The following NUBPL variants were observed in gnomAD, a reference collection of about 807,000 sequenced individuals.
NUBPL encodes iron-sulfur cluster transfer protein NUBPL.
In NUBPL, 31 loss-of-function variants were observed where a neutral mutation model predicts 45.7. The observed-to-expected ratio is 0.68, with a 90% confidence interval of 0.51 to 0.92. NUBPL has a LOEUF of 0.92. Ranked by LOEUF, NUBPL falls within the 40% of genes least tolerant of loss-of-function variation. The pLI is 0.00. For synonymous variants in NUBPL, 144 were observed against 140.9 expected (o/e 1.02, Z -0.15); for missense variants, 401 against 398.7 (o/e 1.01, Z -0.05).
intron 4 of NUBPL, among the ~76,000 whole-genome samples, chr14:31,664,756 T>G (rs1368150656): frequency 1.3e-5 from 2 of 152,226 alleles, no homozygotes; most frequent in African/African-American, 4.8e-5. Flanking sequence ...CCTCATAAAA[T>G]GAATTAGGGA....
At chr14:31,767,811 AG>A (rs1192747179) in intron 6 of NUBPL, among the ~76,000 whole-genome samples, 2 of 152,120 alleles carry the variant, frequency 1.3e-5, no homozygotes, top group African/African-American at 4.8e-5. Flanking sequence ...CAGGAGATGG[AG>A]GCTGTAGTGA....
At chr14:31,562,604 GTT>G (rs34451286) in intron 2 of NUBPL, among the ~76,000 whole-genome samples, 5,179 of 119,098 alleles carry the variant, frequency 0.043, 50 homozygotes, top group African/African-American at 0.072. Context: ...TTTTTTTTTT[GTT>G]TTTTTTTTTT....
At chr14:31,595,782 T>G (rs1566435449) in intron 3 of NUBPL, among the ~76,000 whole-genome samples, 1 of 152,212 alleles carries the variant, frequency 6.6e-6, no homozygotes, top group Non-Finnish European at 1.5e-5. Flanking sequence ...ATTCTAGACT[T>G]GAAAATCTGT....
intron 6 of NUBPL, among the ~76,000 whole-genome samples, chr14:31,702,625 A>C (rs2037364411): frequency 6.6e-6 from 1 of 152,242 alleles, no homozygotes; most frequent in South Asian, 2.1e-4. Context: ...ACTGCAACTG[A>C]AACTTTCTAG....
chr14:31,735,564 G>A (rs1363506692), intron 6 of NUBPL, among the ~76,000 whole-genome samples: 2 of 152,126 alleles, frequency 1.3e-5, no homozygotes, highest in Non-Finnish European at 2.9e-5. Context: ...TTAAACATCA[G>A]AGTGAATGGC....
intron 6 of NUBPL, among the ~76,000 whole-genome samples, chr14:31,729,732 A>T (rs2038009751): frequency 6.6e-6 from 1 of 152,044 alleles, no homozygotes; most frequent in South Asian, 2.1e-4. Flanking sequence ...AGTTTTTGCC[A>T]TTTTTTTAAA....
chr14:31,736,433 T>G (rs1003149866), intron 6 of NUBPL, among the ~76,000 whole-genome samples: 1 of 152,210 alleles, frequency 6.6e-6, no homozygotes, highest in Non-Finnish European at 1.5e-5. Flanking sequence ...TCTTTAAATA[T>G]TTATTAGTTT....
intron 6 of NUBPL, among the ~76,000 whole-genome samples, chr14:31,698,929 A>T (rs1438039974): frequency 6.6e-6 from 1 of 150,784 alleles, no homozygotes; most frequent in African/African-American, 2.4e-5. Context: ...ATCTCGGCTC[A>T]CTGCAACCTC....
chr14:31,599,111 A>T, intron 3 of NUBPL, 178 bp from the exon 4 acceptor site: 1 of 641,472 alleles, frequency 1.6e-6, no homozygotes, highest in Non-Finnish European at 2.8e-6. Flanking sequence ...TAAGCAATTT[A>T]TGCTCTTTTA....
chr14:31,657,241 A>T (rs1460155788), intron 4 of NUBPL, among the ~76,000 whole-genome samples: 3 of 152,156 alleles, frequency 2.0e-5, no homozygotes, highest in Non-Finnish European at 2.9e-5. Flanking sequence ...GTCATTGATG[A>T]CTGTGCTTTT....
intron 8 of NUBPL, among the ~76,000 whole-genome samples, chr14:31,837,254 C>T (rs2040296317): frequency 6.6e-6 from 1 of 152,106 alleles, no homozygotes; most frequent in African/African-American, 2.4e-5. Context: ...CCGGGAGTTG[C>T]AGTTTGTTTG....
chr14:31,745,184 A>G (rs974792453), intron 6 of NUBPL, among the ~76,000 whole-genome samples: 9 of 151,912 alleles, frequency 5.9e-5, no homozygotes, highest in Non-Finnish European at 1.2e-4. Flanking sequence ...TATGTCTCCT[A>G]ATGCTATCCC....
At chr14:31,681,746 C>A (rs185857721) in intron 6 of NUBPL, among the ~76,000 whole-genome samples, 200 of 152,086 alleles carry the variant, frequency 1.3e-3, no homozygotes, top group Non-Finnish European at 2.4e-3. Flanking sequence ...TTTTCATTGT[C>A]ATTCAGTTAA....
At chr14:31,658,714 G>T (rs2036200392) in intron 4 of NUBPL, among the ~76,000 whole-genome samples, 1 of 152,034 alleles carries the variant, frequency 6.6e-6, no homozygotes. Flanking sequence ...GTTTCACCAT[G>T]TTGGCCAGGA....
At chr14:31,595,246 A>T (rs902189687) in intron 3 of NUBPL, among the ~76,000 whole-genome samples, 1 of 152,162 alleles carries the variant, frequency 6.6e-6, no homozygotes, top group Admixed American at 6.5e-5. Context: ...AAATCCAAAA[A>T]ACTAATTGTT....
At chr14:31,603,147 A>G (rs2034490732) in intron 4 of NUBPL, among the ~76,000 whole-genome samples, 1 of 151,960 alleles carries the variant, frequency 6.6e-6, no homozygotes, top group Non-Finnish European at 1.5e-5. Context: ...CAAAAATAAA[A>G]AAATTAGCTG....
intron 6 of NUBPL, among the ~76,000 whole-genome samples, chr14:31,762,366 G>A (rs2038829775): frequency 6.6e-6 from 1 of 152,114 alleles, no homozygotes; most frequent in African/African-American, 2.4e-5. Context: ...GTTTTTGAAG[G>A]ACATCAAATA....
intron 6 of NUBPL, among the ~76,000 whole-genome samples, chr14:31,742,050 A>G (rs2038295622): frequency 6.6e-6 from 1 of 152,110 alleles, no homozygotes; most frequent in Non-Finnish European, 1.5e-5. Context: ...AAAAAGCCTA[A>G]GACAGAAGAT....
intron 6 of NUBPL, among the ~76,000 whole-genome samples, chr14:31,759,951 A>C (rs1350978977): frequency 1.3e-5 from 2 of 151,280 alleles, no homozygotes; most frequent in Non-Finnish European, 2.9e-5. Context: ...GTTGTATTGA[A>C]TGCATTTTGA....
Sources: gnomAD v4.1 joint callset for allele counts (sites outside exome capture counted in the v4.1 genomes callset) on GRCh38, gnomAD v4.1.1 for gene constraint, MANE v1.5 for transcripts, NCBI Gene and HGNC (gene_info 2026-07-23, HGNC 2026-07-21) for gene names.